Variants in RNF150 observed in about 807,000 individuals in gnomAD.
RNF150 encodes ring finger protein 150.
Under a neutral mutation model 39.3 loss-of-function variants are expected in RNF150, and 24 were observed. That is an observed-to-expected ratio of 0.61 (90% CI 0.44 to 0.86). The LOEUF is 0.86. Ranked by LOEUF, RNF150 falls within the 40% of genes least tolerant of loss-of-function variation. The pLI, the probability that RNF150 is intolerant of heterozygous loss-of-function variation, is 0.00. For missense variants in RNF150, 502 were observed against 587.8 expected (o/e 0.85, Z 1.51); for synonymous variants, 255 against 227.3 (o/e 1.12, Z -1.10).
intron 1 of RNF150, among the ~76,000 whole-genome samples, chr4:140,970,234 A>G (rs941060589): frequency 3.9e-5 from 6 of 152,200 alleles, no homozygotes; most frequent in Non-Finnish European, 5.9e-5. Context: ...ATCTTGAGCA[A>G]TCTTCGATTT....
At chr4:140,896,731 T>TAAAAAAATAAAG (rs796255267) in intron 6 of RNF150, among the ~76,000 whole-genome samples, 3 of 131,418 alleles carry the variant, frequency 2.3e-5, no homozygotes, top group African/African-American at 8.6e-5. Flanking sequence ...CAAAAAAAAA[T>TAAAAAAATAAAG]AATTTTTTTT....
intron 1 of RNF150, among the ~76,000 whole-genome samples, chr4:141,117,380 A>G (rs1318231776): frequency 6.6e-6 from 1 of 152,144 alleles, no homozygotes; most frequent in Non-Finnish European, 1.5e-5. Flanking sequence ...TAATTCTTCT[A>G]TGTTTAGACA....
chr4:141,130,570 C>A lies in RNF150; in HGVS notation c.484+1755G>T, dbSNP rs181443309. On this transcript the variant is annotated intron_variant, in intron 1 of 6. Coordinates refer to ENST00000515673, the MANE Select transcript of RNF150 (RefSeq NM_020724.2). ...CAATGTGTTGGCAGTTCTAGAGAAC[C>A]TTTTTAGACAGGAACAAATGATGCC... 3.3e-3 allele frequency among the ~76,000 whole-genome samples: 500 copies of A among 152,168 alleles called. 1 individual carries two copies. Among genetic ancestry groups the A allele is most frequent in the Non-Finnish European group, 5.9e-3 (399 of 68,002 alleles).
chr4:141,032,422 A>G (rs1325371787), intron 1 of RNF150, among the ~76,000 whole-genome samples: 1 of 152,152 alleles, frequency 6.6e-6, no homozygotes, highest in Non-Finnish European at 1.5e-5. Flanking sequence ...CTAAGAGTAT[A>G]GACTTTAAAT....
chr4:141,069,703 G>A (rs2110944612), intron 1 of RNF150, among the ~76,000 whole-genome samples: 1 of 150,326 alleles, frequency 6.7e-6, no homozygotes, highest in South Asian at 2.1e-4. Context: ...ACTCTTTTTG[G>A]TTGGTAAACT....
chr4:140,866,047 G>A lies in RNF150; in HGVS notation c.*2214C>T, dbSNP rs1728695621. 6.6e-6 allele frequency: 1 copy of A among 152,158 alleles called. No homozygotes were observed. Among genetic ancestry groups the A allele is most frequent in the African/African-American group, 2.4e-5 (1 of 41,434 alleles). 9.4% of individuals were successfully genotyped at this position (152,158 alleles called of 1,614,324 possible). On this transcript the variant is annotated 3_prime_UTR_variant, in exon 7 of 7. Coordinates refer to ENST00000515673, the MANE Select transcript of RNF150 (RefSeq NM_020724.2). ...CCCACAGTGAGAGCTAGGATTTGAAGGTATCCAGAGATTGCAAACTCTGTG... is the reference window on the plus strand; with the variant it reads ...CCCACAGTGAGAGCTAGGATTTGAAAGTATCCAGAGATTGCAAACTCTGTG...
intron 5 of RNF150, among the ~76,000 whole-genome samples, chr4:140,925,408 G>A (rs935209054): frequency 1.3e-5 from 2 of 152,184 alleles, no homozygotes; most frequent in African/African-American, 2.4e-5. Flanking sequence ...GGGGGAACCC[G>A]TTAAATTGAG....
intron 5 of RNF150, 74 bp from the exon 6 acceptor site, chr4:140,911,428 TTC>T: frequency 1.6e-6 from 2 of 1,266,636 alleles, no homozygotes; most frequent in Non-Finnish European, 2.2e-6. Context: ...AGCCTAAACA[TTC>T]TGTCTCCATG....
chr4:141,117,389 C>A (rs919062668), intron 1 of RNF150, among the ~76,000 whole-genome samples: 1 of 152,052 alleles, frequency 6.6e-6, no homozygotes, highest in African/African-American at 2.4e-5. Context: ...TATGTTTAGA[C>A]ATGTTTATAT....
chr4:141,030,799 G>T (rs1380911614), intron 1 of RNF150, among the ~76,000 whole-genome samples: 1 of 152,040 alleles, frequency 6.6e-6, no homozygotes, highest in Non-Finnish European at 1.5e-5. Context: ...GTTGCCAGGG[G>T]ATAGGGGAGA....
chr4:140,987,603 C>T (rs1734057300), intron 1 of RNF150, among the ~76,000 whole-genome samples: 1 of 152,054 alleles, frequency 6.6e-6, no homozygotes, highest in Non-Finnish European at 1.5e-5. Flanking sequence ...TTCACACATA[C>T]AAAAATTAAC....
chr4:141,079,438 T>C (rs1190592622), intron 1 of RNF150, among the ~76,000 whole-genome samples: 5 of 152,216 alleles, frequency 3.3e-5, no homozygotes, highest in Non-Finnish European at 4.4e-5. Flanking sequence ...AGAGTAAGAC[T>C]GCCTGGGCCC....
chr4:141,203,057 T>TTATATA (rs746890764), intron 1 of RNF150, among the ~76,000 whole-genome samples: 21,217 of 120,132 alleles, frequency 0.18, 2,855 homozygotes, highest in East Asian at 0.61. Flanking sequence ...CTTGGAGATT[T>TTATATA]TATATATATA....
intron 1 of RNF150, among the ~76,000 whole-genome samples, chr4:141,096,334 C>T (rs1472278868): frequency 2.0e-5 from 3 of 151,352 alleles, no homozygotes; most frequent in Non-Finnish European, 4.4e-5. Flanking sequence ...GTAGCTAGGG[C>T]TACAGGTGCC....
intron 1 of RNF150, among the ~76,000 whole-genome samples, chr4:141,189,971 G>T (rs993884098): frequency 6.6e-6 from 1 of 152,154 alleles, no homozygotes; most frequent in African/African-American, 2.4e-5. Flanking sequence ...CAGGTAGCTT[G>T]GTGTCTGCCC....
intron 1 of RNF150, among the ~76,000 whole-genome samples, chr4:140,975,633 C>T (rs1210686118): frequency 6.6e-6 from 1 of 152,104 alleles, no homozygotes; most frequent in East Asian, 1.9e-4. Context: ...TGATAACTTC[C>T]TAATGAGCTC....
At chr4:140,873,415 C>T (rs923900747) in intron 6 of RNF150, among the ~76,000 whole-genome samples, 1 of 151,790 alleles carries the variant, frequency 6.6e-6, no homozygotes, top group Non-Finnish European at 1.5e-5. Flanking sequence ...AGGTAATCCC[C>T]CCAAAGAGCC....
At chr4:140,995,321 CTCAGA>C (rs1384138345) in intron 1 of RNF150, among the ~76,000 whole-genome samples, 8 of 152,302 alleles carry the variant, frequency 5.3e-5, no homozygotes, top group African/African-American at 1.9e-4. Context: ...AGAGGTACGG[CTCAGA>C]GCAGAGCAGG....
At chr4:140,899,974 C>CTCTCTCTCTCTGTGTGTG (rs1365683071) in intron 6 of RNF150, among the ~76,000 whole-genome samples, 1 of 69,166 alleles carries the variant, frequency 1.4e-5, no homozygotes, top group African/African-American at 4.3e-5. Flanking sequence ...CTCTCTCTCT[C>CTCTCTCTCTCTGTGTGTG]TGTGTGTGTG....
Sources: allele counts gnomAD v4.1 joint callset (sites outside exome capture counted in the v4.1 genomes callset), GRCh38; gene constraint gnomAD v4.1.1; transcripts MANE v1.5; gene names NCBI Gene and HGNC (gene_info 2026-07-23, HGNC 2026-07-21).